Variants in PLEKHA1 observed in about 807,000 individuals in gnomAD.
The protein encoded by PLEKHA1 is pleckstrin homology domain containing A1.
A neutral mutation model predicts 52.0 loss-of-function variants in PLEKHA1; 34 were observed. The ratio of observed to expected loss-of-function variants is 0.65; its 90% confidence interval spans 0.50 to 0.87. The LOEUF is 0.87. Ranked by LOEUF, PLEKHA1 falls within the 40% of genes least tolerant of loss-of-function variation. The pLI, the probability that PLEKHA1 is intolerant of heterozygous loss-of-function variation, is 0.00. For missense variants in PLEKHA1, 497 were observed against 504.2 expected (o/e 0.99, Z 0.14); for synonymous variants, 163 against 170.7 (o/e 0.95, Z 0.35).
chr10:122,397,924 C>T lies in PLEKHA1; in HGVS notation c.148C>T (p.Pro50Ser). 1 of 1,604,178 alleles carries T rather than the reference C, an allele frequency of 6.2e-7. No homozygotes were observed. Among genetic ancestry groups the T allele is most frequent in the Non-Finnish European group, 8.5e-7 (1 of 1,172,288 alleles). ...VWYMDNPQNL[P>S]SGSSRVGAIK... ...ATTAATACTTTGTTTCTAGAACCTA[C>T]CTTCTGGATCATCACGTGTTGGAGC... Residue 50 changes from proline (P) to serine (S), a missense_variant, in exon 3 of 12, where the codon CCT becomes TCT. By Grantham distance (74) the Pro-to-Ser change is moderately conservative. Coordinates refer to ENST00000368990, the MANE Select transcript of PLEKHA1 (RefSeq NM_001001974.4).
At chr10:122,413,695 T>A (rs1366568941) in intron 6 of PLEKHA1, among the ~76,000 whole-genome samples, 2 of 152,090 alleles carry the variant, frequency 1.3e-5, no homozygotes, top group Non-Finnish European at 2.9e-5. Context: ...TACATACAAT[T>A]TTTGATGAAA....
chr10:122,428,214 C>G (rs1046078466), intron 11 of PLEKHA1: 75 of 1,388,898 alleles, frequency 5.4e-5, no homozygotes, highest in Non-Finnish European at 6.1e-5. Context: ...GCACAACTTT[C>G]TCTTTTCCTC....
intron 4 of PLEKHA1, among the ~76,000 whole-genome samples, chr10:122,401,266 C>G (rs1286028646): frequency 6.6e-6 from 1 of 152,192 alleles, no homozygotes; most frequent in Admixed American, 6.5e-5. Flanking sequence ...TTACTTTGAA[C>G]AAAGGAGAAG....
At chr10:122,403,783 C>G (rs1392762030) in intron 4 of PLEKHA1, among the ~76,000 whole-genome samples, 3 of 152,094 alleles carry the variant, frequency 2.0e-5, no homozygotes, top group African/African-American at 7.2e-5. Flanking sequence ...CCTCCACCTC[C>G]TGGGTTCAAG....
At chr10:122,423,044 T>C (rs151319189) in intron 8 of PLEKHA1, 1 of 152,226 alleles carries the variant, frequency 6.6e-6, no homozygotes, top group East Asian at 1.9e-4. Context: ...TTTCTCAGTC[T>C]CTTATTAAGT....
intron 1 of PLEKHA1, among the ~76,000 whole-genome samples, chr10:122,376,404 T>C (rs1371448581): frequency 6.6e-6 from 1 of 151,520 alleles, no homozygotes; most frequent in Non-Finnish European, 1.5e-5. Context: ...ATTTATTTTA[T>C]ACTGCCGTAA....
At chr10:122,388,512 T>TA (rs767263122) in intron 1 of PLEKHA1, among the ~76,000 whole-genome samples, 3 of 152,220 alleles carry the variant, frequency 2.0e-5, no homozygotes, top group Non-Finnish European at 4.4e-5. Flanking sequence ...ATCTCAGAGA[T>TA]ACGTGGGTTC....
intron 2 of PLEKHA1, among the ~76,000 whole-genome samples, chr10:122,397,598 C>T (rs181879339): frequency 4.7e-4 from 71 of 152,042 alleles, no homozygotes; most frequent in African/African-American, 1.6e-3. Flanking sequence ...AATATTTCCC[C>T]CTTGCTTTCA....
chr10:122,404,627 G>A (rs2096979960), intron 4 of PLEKHA1, among the ~76,000 whole-genome samples: 1 of 152,210 alleles, frequency 6.6e-6, no homozygotes, highest in Admixed American at 6.5e-5. Context: ...GATAGATATA[G>A]CATCCTAGTG....
intron 1 of PLEKHA1, among the ~76,000 whole-genome samples, chr10:122,377,634 T>C (rs1277430239): frequency 6.6e-6 from 1 of 152,204 alleles, no homozygotes; most frequent in Non-Finnish European, 1.5e-5. Flanking sequence ...ATGGGATGTT[T>C]TTATGTAAAC....
At chr10:122,432,960 T>C (rs1182279398), downstream of PLEKHA1, 4 of 152,192 alleles carry the variant, frequency 2.6e-5, no homozygotes, top group Non-Finnish European at 5.9e-5. Flanking sequence ...GTATACCTAT[T>C]TGTTAGATAA....
At chr10:122,388,307 T>A (rs2096729163) in intron 1 of PLEKHA1, among the ~76,000 whole-genome samples, 1 of 152,214 alleles carries the variant, frequency 6.6e-6, no homozygotes, top group African/African-American at 2.4e-5. Context: ...GTTTCTGAGG[T>A]TTATCTAGGT....
intron 11 of PLEKHA1, among the ~76,000 whole-genome samples, chr10:122,429,261 C>T (rs1727609452): frequency 6.6e-6 from 1 of 151,978 alleles, no homozygotes; most frequent in African/African-American, 2.4e-5. Flanking sequence ...TAAAATGATA[C>T]AGCTGGGAGG....
chr10:122,400,340 T>TAAAA lies in PLEKHA1; in HGVS notation c.199-2_199-1insAAAA. Reference sequence around the variant, plus strand: ...AGGAACCCGTCTCTATTTTTCTTTTTAGGTTAGCGATGCTACTAAGCTAAG... The same window carrying TAAAA: ...AGGAACCCGTCTCTATTTTTCTTTTTAAAAAGGTTAGCGATGCTACTAAGCTAAG... On this transcript the variant is annotated splice_region_variant and splice_polypyrimidine_tract_variant and intron_variant, in intron 3 of 11. Coordinates refer to ENST00000368990, the MANE Select transcript of PLEKHA1 (RefSeq NM_001001974.4). The TAAAA allele has an allele frequency of 6.2e-7, 1 of 1,601,628 alleles. No individual in the cohort carries two copies. Among genetic ancestry groups the TAAAA allele is most frequent in the Non-Finnish European group, 8.5e-7 (1 of 1,175,954 alleles).
downstream of PLEKHA1, chr10:122,437,147 C>G (rs1466548573): frequency 6.6e-6 from 1 of 152,060 alleles, no homozygotes; most frequent in Non-Finnish European, 1.5e-5. Flanking sequence ...ACGTCATGCT[C>G]ACGGTCTTGG....
chr10:122,375,375 C>G (rs1418296027), intron 1 of PLEKHA1, among the ~76,000 whole-genome samples: 1 of 152,244 alleles, frequency 6.6e-6, no homozygotes, highest in Non-Finnish European at 1.5e-5. Flanking sequence ...CCGCCCTGGG[C>G]CCTGAAGTCG....
Position 122,378,999 on chromosome 10 carries a change from T to C in PLEKHA1, c.-21+4193T>C, listed in dbSNP as rs1302310222. 2.0e-5 allele frequency among the ~76,000 whole-genome samples: 3 copies of C among 152,284 alleles called. No individual in the cohort carries two copies. In the East Asian group the frequency reaches 5.8e-4, roughly 29 times the overall value. On this transcript the variant is annotated intron_variant, in intron 1 of 11. Coordinates refer to ENST00000368990, the MANE Select transcript of PLEKHA1 (RefSeq NM_001001974.4). The stretch of plus-strand genomic sequence containing the variant: ...AGTAGAAAAAGACAAGTGTTTGTTA[T>C]CTGGTGCTATTAGAGTCCTCTCTTG...
At chr10:122,428,388 C>T in intron 11 of PLEKHA1, 1 of 1,533,934 alleles carries the variant, frequency 6.5e-7, no homozygotes, top group Non-Finnish European at 8.8e-7. Flanking sequence ...TAGTGGAGGG[C>T]CCAGACTTAC....
chr10:122,414,789 C>T (rs750124453), intron 6 of PLEKHA1, among the ~76,000 whole-genome samples: 1 of 152,022 alleles, frequency 6.6e-6, no homozygotes, highest in Non-Finnish European at 1.5e-5. Flanking sequence ...ATAAAAGTGA[C>T]GACACAAATG....
Sources: allele counts gnomAD v4.1 joint callset (sites outside exome capture counted in the v4.1 genomes callset), GRCh38; gene constraint gnomAD v4.1.1; transcripts MANE v1.5; gene names NCBI Gene and HGNC (gene_info 2026-07-23, HGNC 2026-07-21).